Variants in ZNF595 observed in about 807,000 individuals in gnomAD.
ZNF595 encodes zinc finger protein 595.
A neutral mutation model predicts 19.4 loss-of-function variants in ZNF595; 9 were observed. The observed-to-expected ratio is 0.46, with a 90% confidence interval of 0.28 to 0.81. The LOEUF is 0.81. Among genes scored for constraint, ZNF595 ranks in the 30% least tolerant of loss-of-function variants. The probability of loss-of-function intolerance (pLI) is 0.11; values close to 1 mark genes in which losing one functional copy is unlikely to be tolerated. For synonymous variants in ZNF595, 255 were observed against 255.9 expected (o/e 1.00, Z 0.03); for missense variants, 729 against 736.0 (o/e 0.99, Z 0.11).
Position 87,223 on chromosome 4 carries a change from T to C in ZNF595, c.1719T>C (p.Tyr573=), listed in dbSNP as rs2006748. The C allele has an allele frequency of 0.16, 255,855 of 1,612,420 alleles. 22,594 individuals are homozygous for C. Among genetic ancestry groups the C allele is most frequent in the Admixed American group, 0.25 (15,060 of 59,902 alleles). The change falls in exon 4 of 4, where the codon TAT becomes TAC. Residue 573 remains tyrosine (Y), a synonymous_variant. Coordinates refer to ENST00000610261, the MANE Select transcript of ZNF595 (RefSeq NM_182524.4). ...AATGCAAAGAATGTGGCAAAGCCTA[T>C]AACTTATCCTCAACCCTTACTAAAC... ...PYKCKECGKA[Y]NLSSTLTKHK...
Position 86,607 on chromosome 4 carries a change from A to G in ZNF595, c.1103A>G (p.Tyr368Cys). Residue 368 changes from tyrosine (Y) to cysteine (C), a missense_variant, in exon 4 of 4, where the codon TAC becomes TGC. By Grantham distance (194) the Tyr-to-Cys change is radical. This residue lies in a region of ZNF595 where 729 missense variants were observed against 675.3 expected (regional missense o/e 1.08). Coordinates refer to ENST00000610261, the MANE Select transcript of ZNF595 (RefSeq NM_182524.4). ...AGCATTCATTCTGAACAAAAACTTT[A>G]CAAATGTGAAGAATGTGGCAAAGCC... ...HRSIHSEQKLYKCEECGKAFT... is the reference protein window; with the variant it reads ...HRSIHSEQKLCKCEECGKAFT... 1 of 1,613,550 alleles carries G rather than the reference A, an allele frequency of 6.2e-7. No individual in the cohort carries two copies. Among genetic ancestry groups the G allele is most frequent in the Non-Finnish European group, 8.5e-7 (1 of 1,179,788 alleles).
At chr4:67,838 AGTT>A (rs1713215824) in intron 3 of ZNF595, 1 of 570,988 alleles carries the variant, frequency 1.8e-6, no homozygotes, top group Non-Finnish European at 3.1e-6. Flanking sequence ...TCTTTTTGAC[AGTT>A]GTTCAGCACT....
At chr4:70,844 C>G (rs1292823592) in intron 3 of ZNF595, among the ~76,000 whole-genome samples, 2 of 152,076 alleles carry the variant, frequency 1.3e-5, no homozygotes, top group African/African-American at 2.4e-5. Flanking sequence ...TTTTGTGGTT[C>G]TGTCTACATT....
In ZNF595 at chr4:87,118, T is replaced by C; in HGVS notation, c.1614T>C (p.Cys538=). 6.2e-7 allele frequency: 1 copy of C among 1,613,984 alleles called. No homozygotes were observed. The highest frequency in any genetic ancestry group is 8.5e-7 in the Non-Finnish European group (1 of 1,179,932). The change falls in exon 4 of 4, where the codon TGT becomes TGC. Residue 538 remains cysteine (C), a synonymous_variant. Coordinates refer to ENST00000610261, the MANE Select transcript of ZNF595 (RefSeq NM_182524.4). ...ATTCTGAACAAAAACTTTACAAATG[T>C]GAAGAATGTGGCAAAGCCTTTACTC... ...SIHSEQKLYK[C]EECGKAFTRS... is the part of the protein sequence containing the mutation.
At chr4:82,575 G>A (rs1713963550) in intron 3 of ZNF595, among the ~76,000 whole-genome samples, 1 of 151,500 alleles carries the variant, frequency 6.6e-6, no homozygotes, top group Admixed American at 6.6e-5. Context: ...GTAGAGATGG[G>A]GTTTCTCCAT....
rs1553802085 is a variant in ZNF595, at chr4:87,323, C to G, written c.1819C>G (p.Leu607Val). The change falls in exon 4 of 4, where the codon CTT becomes GTT. Residue 607 changes from leucine to valine, a missense_variant. By Grantham distance (32) the Leu-to-Val change is conservative. Coordinates refer to ENST00000610261, the MANE Select transcript of ZNF595 (RefSeq NM_182524.4). ...CGKAFNWSSS[L>V]TKHKIIHTGE... is the part of the protein sequence containing the mutation. ...CAAAGCCTTCAATTGGTCCTCATCCCTTACTAAACATAAGATAATTCATAC... is the reference window on the plus strand; with the variant it reads ...CAAAGCCTTCAATTGGTCCTCATCCGTTACTAAACATAAGATAATTCATAC... 1 of 1,613,472 alleles carries G rather than the reference C, an allele frequency of 6.2e-7. No homozygotes were observed. The highest frequency in any genetic ancestry group is 8.5e-7 in the Non-Finnish European group (1 of 1,179,792).
At chr4:66,278 A>C (rs1382052552) in intron 3 of ZNF595, among the ~76,000 whole-genome samples, 12 of 150,248 alleles carry the variant, frequency 8.0e-5, no homozygotes, top group Admixed American at 6.6e-4. Flanking sequence ...ATAATTGTGT[A>C]TTTCATCTTT....
chr4:77,798 T>G (rs938602525), intron 3 of ZNF595, among the ~76,000 whole-genome samples: 6 of 152,084 alleles, frequency 3.9e-5, no homozygotes, highest in African/African-American at 1.4e-4. Context: ...TATATGCAGA[T>G]GGGGGTGCTG....
At chr4:85,642 A>G in intron 3 of ZNF595, 89 bp from the exon 4 acceptor site, 1 of 1,378,982 alleles carries the variant, frequency 7.3e-7, no homozygotes, top group Non-Finnish European at 9.8e-7. Context: ...TTACTAATGC[A>G]GTTTGTATAC....
chr4:86,906 A>G lies in ZNF595; in HGVS notation c.1402A>G (p.Asn468Asp), dbSNP rs782231540. 4 of 1,610,908 alleles carry G rather than the reference A, an allele frequency of 2.5e-6. No individual in the cohort carries two copies. In the South Asian group the frequency reaches 4.4e-5, roughly 18 times the overall value. The change falls in exon 4 of 4, where the codon AAC becomes GAC. Residue 468 changes from asparagine to aspartate, a missense_variant. Physicochemically the swap from Asn to Asp is conservative, Grantham distance 23. This residue lies in a region of ZNF595 where 729 missense variants were observed against 675.3 expected (regional missense o/e 1.08). Coordinates refer to ENST00000610261, the MANE Select transcript of ZNF595 (RefSeq NM_182524.4). ...AGCCTTTACACGGTCCACAACACTG[A>G]ACGAACATAAGAAAATTCATACTGG... The part of the protein sequence containing the change: ...GKAFTRSTTL[N>D]EHKKIHTGEK...
rs782457935 is a variant in ZNF595, at chr4:87,088, C to T, written c.1584C>T (p.Ser528=). The change falls in exon 4 of 4, where the codon AGC becomes AGT. Residue 528 remains serine (S), a synonymous_variant. Transcript: ENST00000610261. ...NQSSGLIIHR[S]IHSEQKLYKC... ...CCTCAGGCCTTATTATACACAGGAG[C>T]ATTCATTCTGAACAAAAACTTTACA... is the stretch of plus-strand genomic sequence containing the variant. The T allele has an allele frequency of 2.2e-5, 36 of 1,605,536 alleles. No individual in the cohort carries two copies. Among genetic ancestry groups the T allele is most frequent in the Non-Finnish European group, 2.5e-6 (3 of 1,177,130 alleles).
intron 3 of ZNF595, among the ~76,000 whole-genome samples, chr4:76,749 T>C (rs1713678496): frequency 6.6e-6 from 1 of 152,194 alleles, no homozygotes; most frequent in Non-Finnish European, 1.5e-5. Context: ...TTTTCTCTCT[T>C]CATCTGCACT....
At chr4:70,177 T>C (rs1260522050) in intron 3 of ZNF595, among the ~76,000 whole-genome samples, 1 of 152,168 alleles carries the variant, frequency 6.6e-6, no homozygotes, top group Admixed American at 6.5e-5. Flanking sequence ...TTATCTTTAA[T>C]ATTTTTTCCC....
rs187289596 is a variant in ZNF595 at position 78,944 on chromosome 4, C to T, written c.227-6787C>T. Among the ~76,000 whole-genome samples, 71 of 152,314 alleles carry T rather than the reference C, an allele frequency of 4.7e-4. No homozygotes were observed. The East Asian group carries it at 0.011, about 24-fold the overall frequency. ...CTGACCTCAGGTAATCCACTCGCCT[C>T]GGCCTCCGAAAGTGCTGGGATTACA... On this transcript the variant is annotated intron_variant, in intron 3 of 3. Transcript: ENST00000610261.
At chr4:61,359 C>T (rs1201280462) in intron 3 of ZNF595, among the ~76,000 whole-genome samples, 14 of 151,628 alleles carry the variant, frequency 9.2e-5, no homozygotes, top group African/African-American at 2.9e-4. Context: ...AGGTTTTGAA[C>T]TCCTGACCTC....
intron 3 of ZNF595, chr4:68,648 T>C: frequency 6.6e-6 from 1 of 152,306 alleles, no homozygotes. Flanking sequence ...GTAGTACCTA[T>C]ATGTATCTAT....
intron 3 of ZNF595, among the ~76,000 whole-genome samples, chr4:71,820 A>G (rs1713444081): frequency 6.6e-6 from 1 of 152,124 alleles, no homozygotes; most frequent in South Asian, 2.1e-4. Flanking sequence ...AATAATTCCT[A>G]CCATCTGGAT....
Position 86,545 on chromosome 4 carries a change from A to G in ZNF595, c.1041A>G (p.Lys347=). Residue 347 remains lysine (K), a synonymous_variant, in exon 4 of 4, where the codon AAA becomes AAG. Coordinates refer to ENST00000610261, the MANE Select transcript of ZNF595 (RefSeq NM_182524.4). ...CCTACACATGTGAAAAATGTGGCAA[A>G]GCTTTTAACCAATCCTCAAGTCTTA... ...EKPYTCEKCG[K]AFNQSSSLII... is the part of the protein sequence containing the mutation. The G allele has an allele frequency of 6.2e-7, 1 of 1,613,930 alleles. No individual in the cohort carries two copies. Among genetic ancestry groups the G allele is most frequent in the Non-Finnish European group, 8.5e-7 (1 of 1,179,890 alleles).
At chr4:69,541 T>G (rs1713342352) in intron 3 of ZNF595, among the ~76,000 whole-genome samples, 1 of 152,216 alleles carries the variant, frequency 6.6e-6, no homozygotes, top group African/African-American at 2.4e-5. Context: ...GTATGCCCTT[T>G]TTTGAGAAAT....
Sources: allele counts gnomAD v4.1 joint callset (sites outside exome capture counted in the v4.1 genomes callset), GRCh38; gene constraint gnomAD v4.1.1; regional missense constraint gnomAD v4.1.1; transcripts MANE v1.5; gene names NCBI Gene and HGNC (gene_info 2026-07-23, HGNC 2026-07-21).